NKAIN2: variants seen among roughly 807,000 people sequenced by gnomAD.
The protein encoded by NKAIN2 is sodium/potassium-transporting ATPase subunit beta-1-interacting protein 2.
NKAIN2 carries 14 observed loss-of-function variants against 32.6 expected under a neutral mutation model. That is an observed-to-expected ratio of 0.43 (90% CI 0.28 to 0.67). The LOEUF is 0.67. Ranked by LOEUF, NKAIN2 falls within the 30% of genes least tolerant of loss-of-function variation. The pLI, the probability that NKAIN2 is intolerant of heterozygous loss-of-function variation, is 0.17. For synonymous variants in NKAIN2, 80 were observed against 87.2 expected (o/e 0.92, Z 0.46); for missense variants, 198 against 258.3 (o/e 0.77, Z 1.60).
At chr6:124,318,508 G>T (rs1797050991) in intron 2 of NKAIN2, among the ~76,000 whole-genome samples, 1 of 151,714 alleles carries the variant, frequency 6.6e-6, no homozygotes, top group Non-Finnish European at 1.5e-5. Context: ...GGTGTTAATT[G>T]CCCTGGAAAA....
At chr6:124,410,579 G>C (rs990076997) in intron 3 of NKAIN2, among the ~76,000 whole-genome samples, 1 of 152,136 alleles carries the variant, frequency 6.6e-6, no homozygotes, top group Non-Finnish European at 1.5e-5. Context: ...TATAATTTCT[G>C]TTCTTTTACA....
intron 3 of NKAIN2, among the ~76,000 whole-genome samples, chr6:124,465,568 A>G (rs1334706096): frequency 6.6e-6 from 1 of 151,368 alleles, no homozygotes; most frequent in African/African-American, 2.4e-5. Context: ...ACCATGGCAC[A>G]TGTATACCTA....
intron 1 of NKAIN2, among the ~76,000 whole-genome samples, chr6:124,181,642 C>G (rs1055858923): frequency 3.3e-5 from 5 of 152,194 alleles, no homozygotes; most frequent in African/African-American, 9.7e-5. Context: ...TCATCTTTCT[C>G]AAGTTCAAAG....
At chr6:123,811,372 T>TGA (rs1203086042) in intron 1 of NKAIN2, among the ~76,000 whole-genome samples, 2 of 76,326 alleles carry the variant, frequency 2.6e-5, no homozygotes, top group East Asian at 1.4e-3. Flanking sequence ...TGCCTCTCTT[T>TGA]ACTAGCCTAG....
chr6:124,564,935 AT>A (rs796156162), intron 3 of NKAIN2, among the ~76,000 whole-genome samples: 12 of 150,790 alleles, frequency 8.0e-5, no homozygotes, highest in South Asian at 2.1e-4. Flanking sequence ...TTCCCCTTCC[AT>A]TTTTTTTTCA....
intron 3 of NKAIN2, among the ~76,000 whole-genome samples, chr6:124,543,099 C>A (rs536672234): frequency 6.6e-6 from 1 of 152,216 alleles, no homozygotes; most frequent in East Asian, 1.9e-4. Flanking sequence ...ACTATGAAGT[C>A]GAAGGGAATA....
intron 1 of NKAIN2, among the ~76,000 whole-genome samples, chr6:124,001,603 A>G (rs781099921): frequency 7.2e-5 from 11 of 151,790 alleles, no homozygotes; most frequent in Non-Finnish European, 1.6e-4. Flanking sequence ...AACTAAATAA[A>G]TAAATGTAGA....
chr6:124,728,614 CA>C lies in NKAIN2; in HGVS notation c.475-62721del, dbSNP rs1776462082. ...CCCACAAGAGAAAGCAGGAAAGATC[CA>C]AAATTGACACCCTAACATCACAATT... On this transcript the variant is annotated intron_variant, in intron 4 of 6. Transcript: ENST00000368417. Among the ~76,000 whole-genome samples, 4 of 82,862 alleles carry C rather than the reference CA, an allele frequency of 4.8e-5. No individual in the cohort carries two copies. The South Asian group carries it at 2.2e-3, about 46-fold the overall frequency. The allele number at this position is 82,862 out of a possible 152,430, so 54.4% of individuals were successfully genotyped here.
intron 2 of NKAIN2, among the ~76,000 whole-genome samples, chr6:124,320,347 A>G (rs747169241): frequency 2.6e-5 from 4 of 152,184 alleles, no homozygotes; most frequent in Non-Finnish European, 4.4e-5. Flanking sequence ...AACTCAAATG[A>G]AGAAATTTTA....
chr6:124,737,581 G>A (rs1249031611), intron 4 of NKAIN2, among the ~76,000 whole-genome samples: 1 of 151,836 alleles, frequency 6.6e-6, no homozygotes, highest in Non-Finnish European at 1.5e-5. Context: ...AACAGGCAGA[G>A]GTTGGAACAA....
At chr6:124,055,197 A>G (rs915494661) in intron 1 of NKAIN2, among the ~76,000 whole-genome samples, 1 of 152,026 alleles carries the variant, frequency 6.6e-6, no homozygotes, top group Non-Finnish European at 1.5e-5. Flanking sequence ...GATTTTGGTA[A>G]TCCTTTCCCC....
intron 5 of NKAIN2, among the ~76,000 whole-genome samples, chr6:124,799,562 C>G (rs1289309936): frequency 1.3e-5 from 2 of 152,156 alleles, no homozygotes; most frequent in Non-Finnish European, 2.9e-5. Flanking sequence ...TCTCTCTCCT[C>G]TGTTAATTAA....
At chr6:124,557,303 TA>T in intron 3 of NKAIN2, among the ~76,000 whole-genome samples, 1 of 152,232 alleles carries the variant, frequency 6.6e-6, no homozygotes, top group Non-Finnish European at 1.5e-5. Context: ...GTATTCAAAG[TA>T]CAAAAAAGTA....
intron 3 of NKAIN2, among the ~76,000 whole-genome samples, chr6:124,368,307 G>A (rs1269113873): frequency 1.3e-5 from 2 of 152,024 alleles, no homozygotes; most frequent in Non-Finnish European, 2.9e-5. Flanking sequence ...TAGTTCTCTT[G>A]TTTCCTCTCA....
intron 1 of NKAIN2, among the ~76,000 whole-genome samples, chr6:124,236,745 A>T (rs951958237): frequency 4.6e-5 from 7 of 152,046 alleles, no homozygotes; most frequent in African/African-American, 1.7e-4. Context: ...GATGGTGGTA[A>T]ACATAGATGC....
At chr6:123,953,548 T>C (rs1387281762) in intron 1 of NKAIN2, among the ~76,000 whole-genome samples, 1 of 152,068 alleles carries the variant, frequency 6.6e-6, no homozygotes, top group Non-Finnish European at 1.5e-5. Flanking sequence ...CTCGGACCTA[T>C]AGATGGTTTG....
chr6:124,610,874 T>C (rs918630514), intron 3 of NKAIN2, among the ~76,000 whole-genome samples: 1 of 152,162 alleles, frequency 6.6e-6, no homozygotes, highest in Non-Finnish European at 1.5e-5. Flanking sequence ...AATATATTAT[T>C]TATAATTCAA....
chr6:124,288,463 C>G (rs962811826), intron 2 of NKAIN2, among the ~76,000 whole-genome samples: 1 of 152,072 alleles, frequency 6.6e-6, no homozygotes, highest in African/African-American at 2.4e-5. Flanking sequence ...TTTTTAACTC[C>G]TTAGTTAATG....
rs57946723 is a variant in NKAIN2, at chr6:124,278,593, C to CAT, written c.55-4402_55-4401dup. Among the ~76,000 whole-genome samples the CAT allele has an allele frequency of 6.2e-3, 857 of 137,284 alleles. 9 individuals carry two copies. Among genetic ancestry groups the CAT allele is most frequent in the African/African-American group, 0.021 (801 of 37,288 alleles). 90.1% of individuals were successfully genotyped at this position (137,284 alleles called of 152,430 possible). A position where few individuals can be genotyped will look rare whatever the true frequency, so the allele number is the denominator to read the frequency against. ...TCCAGCTCATATAATAGCTTATATA[C>CAT]ATATATATATACATACACACACGTA... On this transcript the variant is annotated intron_variant, in intron 1 of 6. Coordinates refer to ENST00000368417, the MANE Select transcript of NKAIN2 (RefSeq NM_001040214.3).
Sources: allele counts gnomAD v4.1 joint callset (sites outside exome capture counted in the v4.1 genomes callset), GRCh38; gene constraint gnomAD v4.1.1; transcripts MANE v1.5; gene names NCBI Gene and HGNC (gene_info 2026-07-23, HGNC 2026-07-21).